Variants in SLC2A13 observed in about 807,000 individuals in gnomAD.
The protein encoded by SLC2A13 is proton myo-inositol cotransporter.
Under a neutral mutation model 64.4 loss-of-function variants are expected in SLC2A13, and 32 were observed. The ratio of observed to expected loss-of-function variants is 0.50; its 90% CI spans 0.37 to 0.67. The LOEUF (loss-of-function observed/expected upper bound fraction) is 0.67. Among genes scored for constraint, SLC2A13 ranks in the 30% least tolerant of loss-of-function variants. The pLI, the probability that SLC2A13 is intolerant of heterozygous loss-of-function variation, is 0.00. For missense variants in SLC2A13, 743 were observed against 829.2 expected, an observed-to-expected ratio of 0.90 and a Z score of 1.28; for synonymous variants, 338 against 327.1, an observed-to-expected ratio of 1.03 and a Z score of -0.36.
At chr12:39,880,350 T>TA (rs1944308863) in intron 4 of SLC2A13, among the ~76,000 whole-genome samples, 2 of 152,228 alleles carry the variant, frequency 1.3e-5, no homozygotes, top group African/African-American at 4.8e-5. Flanking sequence ...GAACTATTTT[T>TA]AAAAAATTAA....
intron 1 of SLC2A13, among the ~76,000 whole-genome samples, chr12:40,074,043 G>T (rs1938068947): frequency 6.6e-6 from 1 of 151,762 alleles, no homozygotes; most frequent in Non-Finnish European, 1.5e-5. Context: ...ATTCCGTTAT[G>T]GTTTGTTTAC....
At chr12:40,078,710 C>T (rs901564428) in intron 1 of SLC2A13, among the ~76,000 whole-genome samples, 10 of 152,152 alleles carry the variant, frequency 6.6e-5, no homozygotes, top group African/African-American at 2.2e-4. Context: ...AGGATTGATA[C>T]CAGCTTTTCT....
chr12:40,085,881 CT>C (rs968536357), intron 1 of SLC2A13, among the ~76,000 whole-genome samples: 43 of 147,762 alleles, frequency 2.9e-4, no homozygotes, highest in South Asian at 4.3e-4. Flanking sequence ...CTCCCATCTT[CT>C]TTTTTTTTTT....
chr12:39,859,698 T>G (rs1337718604), intron 6 of SLC2A13, among the ~76,000 whole-genome samples: 1 of 152,048 alleles, frequency 6.6e-6, no homozygotes, highest in Non-Finnish European at 1.5e-5. Flanking sequence ...AATTTTTTTT[T>G]GTATTTTTAG....
intron 6 of SLC2A13, among the ~76,000 whole-genome samples, chr12:39,841,746 C>T (rs901053943): frequency 5.9e-5 from 9 of 151,676 alleles, no homozygotes; most frequent in African/African-American, 2.2e-4. Flanking sequence ...GAGAAAAAAA[C>T]AGTAACTAAT....
intron 1 of SLC2A13, among the ~76,000 whole-genome samples, chr12:40,056,732 G>A (rs764572205): frequency 2.6e-5 from 4 of 152,160 alleles, no homozygotes; most frequent in Non-Finnish European, 5.9e-5. Context: ...ACTAGCCCAG[G>A]ACTAGAATTT....
chr12:39,834,717 T>C (rs1487085165), intron 6 of SLC2A13, among the ~76,000 whole-genome samples: 2 of 152,074 alleles, frequency 1.3e-5, no homozygotes, highest in Non-Finnish European at 2.9e-5. Context: ...TATCTGCCTC[T>C]GTCTTCTGGA....
At chr12:39,934,774 G>A (rs1201633443) in intron 4 of SLC2A13, among the ~76,000 whole-genome samples, 13 of 152,188 alleles carry the variant, frequency 8.5e-5, no homozygotes, top group African/African-American at 2.9e-4. Flanking sequence ...AATAGAAATA[G>A]GAGAACCTTA....
At chr12:39,859,343 A>G (rs1207407455) in intron 6 of SLC2A13, among the ~76,000 whole-genome samples, 1 of 149,660 alleles carries the variant, frequency 6.7e-6, no homozygotes. Context: ...GAAAAAAAAA[A>G]AAAAAAAAGT....
At chr12:39,937,078 G>A (rs1945930200) in intron 4 of SLC2A13, among the ~76,000 whole-genome samples, 1 of 152,120 alleles carries the variant, frequency 6.6e-6, no homozygotes, top group African/African-American at 2.4e-5. Context: ...GCTGTGGTGA[G>A]GGAAAATTTT....
chr12:40,071,980 T>C (rs1937976693), intron 1 of SLC2A13, among the ~76,000 whole-genome samples: 1 of 152,104 alleles, frequency 6.6e-6, no homozygotes, highest in East Asian at 1.9e-4. Context: ...AATTCCCTCT[T>C]TTCCTGTCTC....
chr12:39,947,721 C>CA (rs1946161582), intron 4 of SLC2A13, among the ~76,000 whole-genome samples: 1 of 143,156 alleles, frequency 7.0e-6, no homozygotes. Context: ...AGTGCAATGG[C>CA]ATGATCTCGG....
At chr12:39,927,814 G>A (rs17560365) in intron 4 of SLC2A13, among the ~76,000 whole-genome samples, 5,095 of 152,216 alleles carry the variant, frequency 0.033, 200 homozygotes, top group Admixed American at 0.12. Context: ...CTACGCCAGA[G>A]ATACACAACA....
chr12:39,976,690 C>T lies in SLC2A13; in HGVS notation c.926-25325G>A, dbSNP rs577759615. On this transcript the variant is annotated intron_variant, in intron 3 of 9. Transcript: ENST00000280871. ...TTGGATTACAGGAGTGAAACTGCTG[C>T]CCCTGGCCATGTTTCACTTTTTAAT... 5.9e-5 allele frequency among the ~76,000 whole-genome samples: 9 copies of T among 152,200 alleles called. No individual in the cohort carries two copies. In the East Asian group the frequency reaches 1.7e-3, roughly 29 times the overall value.
At chr12:39,889,590 T>C (rs1165641646) in intron 4 of SLC2A13, among the ~76,000 whole-genome samples, 3 of 147,758 alleles carry the variant, frequency 2.0e-5, no homozygotes, top group Admixed American at 7.0e-5. Context: ...TAGACTGCAG[T>C]AGCACCATCT....
intron 7 of SLC2A13, among the ~76,000 whole-genome samples, chr12:39,819,407 T>C (rs912683600): frequency 3.3e-5 from 5 of 152,172 alleles, no homozygotes; most frequent in African/African-American, 1.2e-4. Flanking sequence ...ATTTACAGAT[T>C]TACAGTCCAT....
chr12:40,067,235 C>G (rs1392941919), intron 1 of SLC2A13, among the ~76,000 whole-genome samples: 1 of 152,062 alleles, frequency 6.6e-6, no homozygotes, highest in Non-Finnish European at 1.5e-5. Flanking sequence ...TAGGGTCCTT[C>G]GCTGTGCTCA....
chr12:40,067,302 A>T (rs1937769284), intron 1 of SLC2A13, among the ~76,000 whole-genome samples: 1 of 152,152 alleles, frequency 6.6e-6, no homozygotes, highest in Non-Finnish European at 1.5e-5. Context: ...CCTGGGCTCA[A>T]GTGATCCTCC....
chr12:39,999,352 C>T (rs996860945), intron 3 of SLC2A13, among the ~76,000 whole-genome samples: 5 of 152,108 alleles, frequency 3.3e-5, no homozygotes, highest in Admixed American at 6.5e-5. Context: ...TATAAATGGA[C>T]GTGCAAGTAT....
Sources: allele counts gnomAD v4.1 joint callset (sites outside exome capture counted in the v4.1 genomes callset), GRCh38; gene constraint gnomAD v4.1.1; transcripts MANE v1.5; gene names NCBI Gene and HGNC (gene_info 2026-07-23, HGNC 2026-07-21).